The following MECR variants were observed in gnomAD, a reference collection of about 807,000 sequenced individuals.
MECR encodes mitochondrial trans-2-enoyl-CoA reductase, also known as enoyl-[acyl-carrier-protein] reductase, mitochondrial.
A neutral mutation model predicts 49.1 loss-of-function variants in MECR; 37 were observed. The observed-to-expected ratio is 0.75, with a 90% CI of 0.58 to 0.99. MECR has a LOEUF of 0.99. MECR is among the 50% of genes least tolerant of loss of function. The pLI is 0.00. For synonymous variants in MECR, 198 were observed against 191.1 expected, an observed-to-expected ratio of 1.04 and a Z score of -0.30; for missense variants, 470 against 479.6, an observed-to-expected ratio of 0.98 and a Z score of 0.19.
At chr1:29,230,028 AAATATAG>A (rs1259837915) in intron 1 of MECR, among the ~76,000 whole-genome samples, 1 of 152,244 alleles carries the variant, frequency 6.6e-6, no homozygotes, top group African/African-American at 2.4e-5. Context: ...GTATTTGACC[AAATATAG>A]ATACTTGGGT....
At chr1:29,220,347 G>T (rs1680480716) in intron 1 of MECR, among the ~76,000 whole-genome samples, 1 of 152,084 alleles carries the variant, frequency 6.6e-6, no homozygotes, top group Admixed American at 6.5e-5. Flanking sequence ...GTTGCAACAA[G>T]TGGAGATCAC....
At chr1:29,227,375 C>G (rs994517314) in intron 1 of MECR, among the ~76,000 whole-genome samples, 5 of 152,290 alleles carry the variant, frequency 3.3e-5, no homozygotes, top group Admixed American at 1.3e-4. Context: ...CACAGTCTTA[C>G]TTTACTTAGA....
the MECR span, chr1:29,181,990 G>C: frequency 2.8e-6 from 1 of 358,592 alleles, no homozygotes. Flanking sequence ...CGCTCGGCCA[G>C]GACTGGGGGA....
At chr1:29,191,300 G>A (rs1027082878), downstream of MECR, among the ~76,000 whole-genome samples, 1 of 151,980 alleles carries the variant, frequency 6.6e-6, no homozygotes, top group Non-Finnish European at 1.5e-5. Context: ...GATTCCCCTT[G>A]AAGAATCCTA....
At chr1:29,217,940 A>G (rs1209026885) in intron 1 of MECR, among the ~76,000 whole-genome samples, 1 of 152,200 alleles carries the variant, frequency 6.6e-6, no homozygotes, top group Non-Finnish European at 1.5e-5. Context: ...GGAGGGCTGA[A>G]GGTCCTGGGT....
chr1:29,173,485 G>C, the MECR span: 1 of 58,696 alleles, frequency 1.7e-5, no homozygotes, highest in African/African-American at 7.5e-5. Context: ...TTTTTTTTTT[G>C]AGATGGAGTC....
the MECR span, among the ~76,000 whole-genome samples, chr1:29,177,893 A>ATTTTTTTTTTTTTTTTTTTTTTTTTTTT: frequency 1.1e-5 from 1 of 93,636 alleles, no homozygotes; most frequent in Non-Finnish European, 2.0e-5. Context: ...ATTACACAAG[A>ATTTTTTTTTTTTTTTTTTTTTTTTTTTT]TTTTTTTTTT....
chr1:29,171,854 G>A, the MECR span: 2 of 152,134 alleles, frequency 1.3e-5, no homozygotes, highest in African/African-American at 2.4e-5. Flanking sequence ...AATGAGAAAG[G>A]AGGAGCAAAA....
chr1:29,213,409 T>C (rs1004386710), intron 3 of MECR, among the ~76,000 whole-genome samples: 5 of 152,196 alleles, frequency 3.3e-5, no homozygotes, highest in Non-Finnish European at 7.3e-5. Flanking sequence ...CTGTTTTTTT[T>C]TTTCCTGCCT....
chr1:29,175,781 TATAC>T, the MECR span, among the ~76,000 whole-genome samples: 12 of 149,774 alleles, frequency 8.0e-5, no homozygotes, highest in Non-Finnish European at 1.8e-4. Flanking sequence ...TAATTTTAAC[TATAC>T]ATAAAGAGAG....
chr1:29,213,401 G>GT (rs202093387), intron 3 of MECR, among the ~76,000 whole-genome samples: 2,105 of 148,864 alleles, frequency 0.014, 22 homozygotes, highest in Admixed American at 0.027. Flanking sequence ...TCCTATTACT[G>GT]TTTTTTTTTT....
intron 1 of MECR, among the ~76,000 whole-genome samples, chr1:29,220,228 T>TAAA (rs63347560): frequency 2.1e-5 from 3 of 140,352 alleles, no homozygotes; most frequent in African/African-American, 5.3e-5. Flanking sequence ...CCGTCTCTAC[T>TAAA]AAAAAAAAAA....
At chr1:29,202,709 G>A (rs1230982814) in intron 5 of MECR, among the ~76,000 whole-genome samples, 2 of 152,264 alleles carry the variant, frequency 1.3e-5, no homozygotes, top group East Asian at 3.9e-4. Flanking sequence ...TCTCCTTCAC[G>A]TCTGTATTTA....
At chr1:29,169,055 C>T in the MECR span, 1 of 152,240 alleles carries the variant, frequency 6.6e-6, no homozygotes, top group East Asian at 1.9e-4. Context: ...CACTAGGACT[C>T]TTCTTCACAT....
At chr1:29,227,844 TACGAGA>T (rs1479942210) in intron 1 of MECR, among the ~76,000 whole-genome samples, 10 of 152,166 alleles carry the variant, frequency 6.6e-5, no homozygotes, top group African/African-American at 2.2e-4. Context: ...CTTCAGTCCA[TACGAGA>T]ACAAGTAAAG....
At chr1:29,181,472 G>A in the MECR span, among the ~76,000 whole-genome samples, 158 of 152,290 alleles carry the variant, frequency 1.0e-3, no homozygotes, top group African/African-American at 3.7e-3. Flanking sequence ...ACCCGCGCAG[G>A]CGCAGTGGGA....
chr1:29,172,614 C>G, the MECR span: 5 of 152,322 alleles, frequency 3.3e-5, no homozygotes, highest in Middle Eastern at 3.4e-3. Context: ...AGGGGTACTC[C>G]ATGCTGTTGA....
chr1:29,230,847 CA>C lies in MECR; in HGVS notation c.59del (p.Leu20ArgfsTer46). ...GTCCGTGACAGCCAGAAGCTGGGAGCAGCCCCCGCCACTGCCGGGCGGGGGT... is the reference window on the plus strand; with the variant it reads ...GTCCGTGACAGCCAGAAGCTGGGAGCGCCCCCGCCACTGCCGGGCGGGGGT... ...VRTPARQWRG[L>X]LPASGCHGPA... On this transcript the variant is annotated frameshift_variant, in exon 1 of 10. Transcript: ENST00000263702. LOFTEE classifies it high-confidence loss of function. 6.2e-7 allele frequency: 1 copy of C among 1,602,752 alleles called. No homozygotes were observed. Among genetic ancestry groups the C allele is most frequent in the South Asian group, 1.1e-5 (1 of 90,782 alleles).
intron 1 of MECR, among the ~76,000 whole-genome samples, chr1:29,218,695 A>ACC (rs1574464688): frequency 6.6e-6 from 1 of 152,162 alleles, no homozygotes; most frequent in African/African-American, 2.4e-5. Flanking sequence ...ACCTAGTGAA[A>ACC]CCCCATCTCT....
Sources: allele counts gnomAD v4.1 joint callset (sites outside exome capture counted in the v4.1 genomes callset), GRCh38; gene constraint gnomAD v4.1.1; transcripts MANE v1.5; gene names NCBI Gene and HGNC (gene_info 2026-07-23, HGNC 2026-07-21).